Variants in TBC1D22A observed in about 807,000 individuals in gnomAD.
TBC1D22A encodes the protein TBC1 domain family member 22A.
TBC1D22A carries 38 observed loss-of-function variants against 60.2 expected under a neutral mutation model. The observed-to-expected ratio is 0.63, with a 90% confidence interval of 0.49 to 0.83. The LOEUF is 0.83. TBC1D22A is among the 40% of genes least tolerant of loss of function. TBC1D22A has a pLI of 0.00. For synonymous variants in TBC1D22A, 302 were observed against 281.7 expected (o/e 1.07, Z -0.72); for missense variants, 628 against 701.0 (o/e 0.90, Z 1.18).
At chr22:46,969,973 T>G (rs149304697) in intron 8 of TBC1D22A, among the ~76,000 whole-genome samples, 1 of 152,200 alleles carries the variant, frequency 6.6e-6, no homozygotes, top group Non-Finnish European at 1.5e-5. Flanking sequence ...AAAATGTCAC[T>G]GTAGAAAGTC....
At position 46,955,145 on chromosome 22, in the gene TBC1D22A, C is replaced by T. The variant is rs184996057; in HGVS notation, c.1016-19145C>T. ...GTCATTATGTGGTGGTAATGTTCAG[C>T]GTAGTGTTACGTGGTATGTTACTTA... On this transcript the variant is annotated intron_variant, in intron 8 of 12. Transcript: ENST00000337137. Among the ~76,000 whole-genome samples the T allele has an allele frequency of 3.8e-3, 582 of 152,120 alleles. 1 individual carries two copies. Among genetic ancestry groups the T allele is most frequent in the Non-Finnish European group, 6.6e-3 (450 of 68,000 alleles).
chr22:47,101,008 G>A (rs1353853756), intron 11 of TBC1D22A, among the ~76,000 whole-genome samples: 1 of 152,182 alleles, frequency 6.6e-6, no homozygotes, highest in Non-Finnish European at 1.5e-5. Flanking sequence ...ATTGCAAAGT[G>A]TGGAAACGTG....
At chr22:47,069,454 C>T (rs1179088215) in intron 11 of TBC1D22A, among the ~76,000 whole-genome samples, 1 of 152,196 alleles carries the variant, frequency 6.6e-6, no homozygotes, top group Non-Finnish European at 1.5e-5. Context: ...CTCGGTGAGG[C>T]CTCGGCCCTA....
intron 1 of TBC1D22A, 38 bp from the exon 2 acceptor site, chr22:46,792,482 G>C (rs938861621): frequency 6.2e-7 from 1 of 1,614,020 alleles, no homozygotes; most frequent in Non-Finnish European, 8.5e-7. Context: ...GGGAAGGCAG[G>C]AGAGAGGCTC....
intron 11 of TBC1D22A, among the ~76,000 whole-genome samples, chr22:47,089,317 T>G (rs903624785): frequency 6.6e-6 from 1 of 152,230 alleles, no homozygotes. Flanking sequence ...GGATTTGCTT[T>G]AGAATAACCT....
At chr22:46,814,710 G>C (rs1357137123) in intron 4 of TBC1D22A, among the ~76,000 whole-genome samples, 2 of 151,704 alleles carry the variant, frequency 1.3e-5, no homozygotes, top group Admixed American at 6.6e-5. Context: ...GCAATGACAA[G>C]GTCCCGGCTC....
intron 8 of TBC1D22A, 129 bp downstream of exon 8, chr22:46,912,317 A>G (rs2069990654): frequency 3.2e-6 from 2 of 622,228 alleles, no homozygotes; most frequent in South Asian, 2.7e-5. Flanking sequence ...ATTAGAGAAT[A>G]ATAGTTTTCT....
intron 7 of TBC1D22A, among the ~76,000 whole-genome samples, chr22:46,903,999 G>C (rs1314965804): frequency 3.3e-5 from 5 of 151,826 alleles, no homozygotes; most frequent in Admixed American, 3.3e-4. Context: ...TCACCCTGTA[G>C]ACTTTGAAAA....
At chr22:47,067,440 G>T in intron 11 of TBC1D22A, among the ~76,000 whole-genome samples, 1 of 152,194 alleles carries the variant, frequency 6.6e-6, no homozygotes, top group Admixed American at 6.5e-5. Flanking sequence ...AAAAGCCAGG[G>T]TGCACAAAGA....
At chr22:47,057,005 C>T (rs975116386) in intron 11 of TBC1D22A, among the ~76,000 whole-genome samples, 1 of 152,198 alleles carries the variant, frequency 6.6e-6, no homozygotes, top group African/African-American at 2.4e-5. Flanking sequence ...TGCCTAGGCC[C>T]AGCCACTCAG....
intron 11 of TBC1D22A, among the ~76,000 whole-genome samples, chr22:47,105,047 C>G (rs541425855): frequency 6.6e-6 from 1 of 152,190 alleles, no homozygotes; most frequent in Admixed American, 6.5e-5. Flanking sequence ...GGCACATGCT[C>G]TCAGGACCTC....
At chr22:46,907,906 G>A (rs1001541711) in intron 7 of TBC1D22A, among the ~76,000 whole-genome samples, 1 of 152,208 alleles carries the variant, frequency 6.6e-6, no homozygotes, top group Non-Finnish European at 1.5e-5. Flanking sequence ...GGAAGTTTGG[G>A]AGACGGGGAT....
chr22:46,892,466 C>T (rs1485066003), intron 6 of TBC1D22A, among the ~76,000 whole-genome samples: 1 of 152,150 alleles, frequency 6.6e-6, no homozygotes, highest in East Asian at 1.9e-4. Context: ...ATCTCCATTT[C>T]CTTCCAGGCC....
At chr22:46,966,443 C>G (rs79166069) in intron 8 of TBC1D22A, among the ~76,000 whole-genome samples, 78 of 152,336 alleles carry the variant, frequency 5.1e-4, no homozygotes, top group African/African-American at 1.9e-3. Context: ...TTCGTCCTCG[C>G]TTTTCTCCCC....
intron 4 of TBC1D22A, among the ~76,000 whole-genome samples, chr22:46,833,431 G>A (rs889180698): frequency 1.3e-5 from 2 of 152,180 alleles, no homozygotes; most frequent in African/African-American, 2.4e-5. Context: ...CAGCATGGCC[G>A]GCCGGCTCCT....
chr22:46,877,037 C>G (rs971849478), intron 4 of TBC1D22A, among the ~76,000 whole-genome samples: 1 of 152,122 alleles, frequency 6.6e-6, no homozygotes, highest in Non-Finnish European at 1.5e-5. Flanking sequence ...TATTTTGGAT[C>G]TTTTTGTCTG....
chr22:47,150,770 A>C (rs545111416), intron 12 of TBC1D22A, among the ~76,000 whole-genome samples: 1 of 147,294 alleles, frequency 6.8e-6, no homozygotes, highest in Non-Finnish European at 1.5e-5. Flanking sequence ...CAAGTGCCCC[A>C]CTCCCACCCC....
rs1293941455 is a variant in TBC1D22A at position 47,173,671 on chromosome 22, C to G, written c.*45C>G. Reference sequence around the variant, plus strand: ...TGGCCTCACTGTCCCGGGTGGCGCGCCCCACCTGCCTGGCTGGTGGTAGGC... The same window carrying G: ...TGGCCTCACTGTCCCGGGTGGCGCGGCCCACCTGCCTGGCTGGTGGTAGGC... On this transcript the variant is annotated 3_prime_UTR_variant, in exon 13 of 13. Transcript: ENST00000337137. 1 of 1,606,716 alleles carries G rather than the reference C, an allele frequency of 6.2e-7. No homozygotes were observed. The highest frequency in any genetic ancestry group is 8.5e-7 in the Non-Finnish European group (1 of 1,175,330).
chr22:47,162,481 A>G (rs1484489743), intron 12 of TBC1D22A, among the ~76,000 whole-genome samples: 2 of 152,208 alleles, frequency 1.3e-5, no homozygotes, highest in Non-Finnish European at 2.9e-5. Context: ...GCCCAGGGAC[A>G]TGTAGCCATT....
Sources: gnomAD v4.1 joint callset for allele counts (sites outside exome capture counted in the v4.1 genomes callset) on GRCh38, gnomAD v4.1.1 for gene constraint, MANE v1.5 for transcripts, NCBI Gene and HGNC (gene_info 2026-07-23, HGNC 2026-07-21) for gene names.